DST: variants seen among roughly 807,000 people sequenced by gnomAD.
DST encodes dystonin.
A neutral mutation model predicts 875.2 loss-of-function variants in DST; 253 were observed. The observed-to-expected ratio is 0.29, with a 90% CI of 0.26 to 0.32. The LOEUF is 0.32. Ranked by LOEUF, DST falls within the 10% of genes least tolerant of loss-of-function variation. The probability of loss-of-function intolerance (pLI) is 1.00; values close to 1 mark genes in which losing one functional copy is unlikely to be tolerated. For synonymous variants in DST, 3,124 were observed against 3,197.1 expected (o/e 0.98, Z 0.77); for missense variants, 8,287 against 9,111.6 (o/e 0.91, Z 3.68).
At chr6:56,733,946 T>C (rs1405229113) in intron 5 of DST, among the ~76,000 whole-genome samples, 3 of 152,122 alleles carry the variant, frequency 2.0e-5, no homozygotes, top group African/African-American at 4.8e-5. Flanking sequence ...GGCAAAACTT[T>C]TAAGAATTAT....
chr6:56,704,868 C>T (rs558525841), intron 5 of DST, among the ~76,000 whole-genome samples: 35 of 152,214 alleles, frequency 2.3e-4, no homozygotes, highest in African/African-American at 7.9e-4. Context: ...TCTTATGAGC[C>T]TATAATTATT....
intron 2 of DST, among the ~76,000 whole-genome samples, chr6:56,915,010 G>T (rs754849652): frequency 1.3e-5 from 2 of 152,194 alleles, no homozygotes; most frequent in Non-Finnish European, 2.9e-5. Flanking sequence ...TCAGCAACGG[G>T]CCCACAGCCC....
chr6:56,927,437 C>T (rs1807770768), intron 2 of DST, among the ~76,000 whole-genome samples: 1 of 152,102 alleles, frequency 6.6e-6, no homozygotes, highest in African/African-American at 2.4e-5. Context: ...AAAAGCCTGA[C>T]ATGGATTTCC....
intron 4 of DST, among the ~76,000 whole-genome samples, chr6:56,784,471 CATTTA>C (rs2099700873): frequency 1.3e-5 from 2 of 152,158 alleles, no homozygotes; most frequent in African/African-American, 4.8e-5. Flanking sequence ...TCATTTCATT[CATTTA>C]ATCTTCCATC....
chr6:56,762,986 G>C (rs1211010246), intron 4 of DST, among the ~76,000 whole-genome samples: 1 of 151,608 alleles, frequency 6.6e-6, no homozygotes, highest in Non-Finnish European at 1.5e-5. Context: ...GAGTAGCTGG[G>C]ATTAAAGCCA....
At chr6:56,602,770 G>C in intron 43 of DST, 112 bp downstream of exon 43, 1 of 776,292 alleles carries the variant, frequency 1.3e-6, no homozygotes. Flanking sequence ...TAGAGACAAA[G>C]AAAGGAAATA....
At chr6:56,526,703 C>T (rs986319727) in intron 68 of DST, 136 bp from the exon 69 acceptor site, 58 of 707,452 alleles carry the variant, frequency 8.2e-5, no homozygotes, top group Admixed American at 6.0e-4. Context: ...TAGTTTCAGT[C>T]GAGTTAAATA....
Position 56,714,794 on chromosome 6 carries a change from A to G in DST, c.688-10425T>C, listed in dbSNP as rs2152899488. 6.6e-6 allele frequency among the ~76,000 whole-genome samples: 1 copy of G among 152,290 alleles called. No individual in the cohort carries two copies. Among genetic ancestry groups the G allele is most frequent in the African/African-American group, 2.4e-5 (1 of 41,568 alleles). Reference sequence around the variant, plus strand: ...AAAACCTCTGCTGTGATATTTCTCTATTGATAACTCCTCCTCTAGTTACTG... The same window carrying G: ...AAAACCTCTGCTGTGATATTTCTCTGTTGATAACTCCTCCTCTAGTTACTG... On this transcript the variant is annotated intron_variant, in intron 5 of 103. Transcript: ENST00000680361. This position sits in a 1 kb window ranked among gnomAD's most constrained non-coding sequence, Gnocchi z 4.5.
chr6:56,933,582 G>C (rs1247084449), intron 2 of DST, among the ~76,000 whole-genome samples: 1 of 151,526 alleles, frequency 6.6e-6, no homozygotes, highest in Non-Finnish European at 1.5e-5. Context: ...GGAAGAATGT[G>C]AGATAAAGAA....
chr6:56,486,768 T>G (rs1165036939), intron 87 of DST, among the ~76,000 whole-genome samples: 1 of 152,142 alleles, frequency 6.6e-6, no homozygotes, highest in Non-Finnish European at 1.5e-5. Flanking sequence ...CCATTTACAT[T>G]TTTAAAAGAC....
chr6:56,712,326 GAAACCA>G (rs1227280131), intron 5 of DST, among the ~76,000 whole-genome samples: 1 of 152,120 alleles, frequency 6.6e-6, no homozygotes, highest in Non-Finnish European at 1.5e-5. Context: ...GAAAAGAGGA[GAAACCA>G]ATCCATATCC....
chr6:56,565,309 T>G (rs1413638535), intron 55 of DST, among the ~76,000 whole-genome samples: 1 of 151,930 alleles, frequency 6.6e-6, no homozygotes, highest in Non-Finnish European at 1.5e-5. Flanking sequence ...TTAGTAGAGA[T>G]GGGGTTTCAC....
intron 50 of DST, among the ~76,000 whole-genome samples, chr6:56,574,181 G>C (rs553672043): frequency 1.8e-4 from 27 of 152,092 alleles, no homozygotes; most frequent in African/African-American, 6.3e-4. Flanking sequence ...TTGTCACAGA[G>C]AGACAAAAGA....
chr6:56,780,231 G>A (rs2099690078), intron 4 of DST, among the ~76,000 whole-genome samples: 1 of 151,864 alleles, frequency 6.6e-6, no homozygotes, highest in East Asian at 1.9e-4. Context: ...AGTCCTTTGG[G>A]TATATACCCA....
At position 56,514,213 on chromosome 6, in the gene DST, T is replaced by C. The variant is rs535149806; in HGVS notation, c.18576+1237A>G. On this transcript the variant is annotated intron_variant, in intron 72 of 103. Transcript: ENST00000680361. Reference sequence around the variant, plus strand: ...TGTGGCTATTCAAATCACCTCAGCATAGAAATCCATGAAACATTTTTCATT... The same window carrying C: ...TGTGGCTATTCAAATCACCTCAGCACAGAAATCCATGAAACATTTTTCATT... 2.0e-5 allele frequency among the ~76,000 whole-genome samples: 3 copies of C among 152,326 alleles called. No individual in the cohort carries two copies. In the East Asian group the frequency reaches 5.8e-4, roughly 29 times the overall value.
intron 2 of DST, among the ~76,000 whole-genome samples, chr6:56,913,607 C>T (rs1392665964): frequency 6.6e-6 from 1 of 152,228 alleles, no homozygotes; most frequent in Non-Finnish European, 1.5e-5. Context: ...TGGCCCTTTA[C>T]AGAAAAATGT....
intron 68 of DST, 95 bp from the exon 69 acceptor site, chr6:56,526,662 T>C: frequency 1.8e-6 from 2 of 1,112,394 alleles, no homozygotes; most frequent in Admixed American, 4.2e-5. Context: ...AGGCGAATAA[T>C]GTGATGCTTT....
At chr6:56,822,888 C>T (rs143809226) in intron 4 of DST, among the ~76,000 whole-genome samples, 344 of 151,510 alleles carry the variant, frequency 2.3e-3, no homozygotes, top group Admixed American at 4.1e-3. Context: ...AGTGCAGTGG[C>T]GCAATCTTGG....
chr6:56,528,291 A>G (rs2096836384), intron 67 of DST, among the ~76,000 whole-genome samples: 1 of 152,158 alleles, frequency 6.6e-6, no homozygotes, highest in Non-Finnish European at 1.5e-5. Flanking sequence ...TGCCCCCAAC[A>G]TACACATATT....
Sources: allele counts gnomAD v4.1 joint callset (sites outside exome capture counted in the v4.1 genomes callset), GRCh38; gene constraint gnomAD v4.1.1; non-coding constraint Gnocchi (gnomAD v3.1); transcripts MANE v1.5; gene names NCBI Gene and HGNC (gene_info 2026-07-23, HGNC 2026-07-21).